Variants in ARHGEF28 observed in about 807,000 individuals in gnomAD.
ARHGEF28 encodes 190 kDa guanine nucleotide exchange factor.
ARHGEF28 carries 152 observed loss-of-function variants against 206.6 expected under a neutral mutation model. The observed-to-expected ratio is 0.74, with a 90% CI of 0.64 to 0.84. The LOEUF is 0.84. Among genes scored for constraint, ARHGEF28 ranks in the 40% least tolerant of loss-of-function variants. The pLI, the probability that ARHGEF28 is intolerant of heterozygous loss-of-function variation, is 0.00. For synonymous variants in ARHGEF28, 763 were observed against 776.4 expected, an observed-to-expected ratio of 0.98 and a Z score of 0.29; for missense variants, 2,028 against 2,073.2, an observed-to-expected ratio of 0.98 and a Z score of 0.42.
intron 35 of ARHGEF28, among the ~76,000 whole-genome samples, chr5:73,932,570 T>G (rs2112031431): frequency 6.6e-6 from 1 of 152,274 alleles, no homozygotes; most frequent in African/African-American, 2.4e-5. Context: ...TTTCAGTTTG[T>G]TTTTGCTAAG....
chr5:73,810,184 G>A (rs887829949), intron 9 of ARHGEF28, among the ~76,000 whole-genome samples: 1 of 152,180 alleles, frequency 6.6e-6, no homozygotes, highest in Non-Finnish European at 1.5e-5. Context: ...TGGCTAGTCA[G>A]TAGAAATCAT....
intron 9 of ARHGEF28, among the ~76,000 whole-genome samples, chr5:73,825,725 G>A (rs1035927515): frequency 1.4e-4 from 21 of 152,144 alleles, no homozygotes; most frequent in African/African-American, 5.1e-4. Context: ...GAATCCAGTT[G>A]TGAAAGAAAG....
chr5:73,885,995 G>C lies in ARHGEF28; in HGVS notation c.3201G>C (p.Thr1067=). The C allele has an allele frequency of 6.2e-7, 1 of 1,613,790 alleles. No individual in the cohort carries two copies. Among genetic ancestry groups the C allele is most frequent in the South Asian group, 1.1e-5 (1 of 91,056 alleles). ...ATAAGATTGAAAACAAAACATACAC[G>C]AAGCTCAAAAATGGACATGTGTTTA... ...ILNKIENKTY[T]KLKNGHVFRK... is the part of the protein sequence containing the mutation. The change falls in exon 25 of 36, where the codon ACG becomes ACC. Residue 1067 remains threonine (T), a synonymous_variant. Transcript: ENST00000513042.
At chr5:73,816,258 A>T (rs1756204546) in intron 9 of ARHGEF28, among the ~76,000 whole-genome samples, 1 of 152,124 alleles carries the variant, frequency 6.6e-6, no homozygotes, top group African/African-American at 2.4e-5. Flanking sequence ...GAGAAATATA[A>T]GGGACTTGGT....
At chr5:73,683,285 G>A (rs745500612) in intron 1 of ARHGEF28, among the ~76,000 whole-genome samples, 9 of 152,092 alleles carry the variant, frequency 5.9e-5, no homozygotes, top group Non-Finnish European at 1.0e-4. Flanking sequence ...GACCATTACC[G>A]TTGTCCATCT....
chr5:73,863,539 C>G (rs990991394), intron 16 of ARHGEF28, among the ~76,000 whole-genome samples: 2 of 152,046 alleles, frequency 1.3e-5, no homozygotes, highest in South Asian at 2.1e-4. Flanking sequence ...TTGCCTGTCT[C>G]ATGAAGCTCC....
chr5:73,804,567 T>C (rs1371911736), intron 9 of ARHGEF28, among the ~76,000 whole-genome samples: 1 of 152,218 alleles, frequency 6.6e-6, no homozygotes, highest in East Asian at 1.9e-4. Flanking sequence ...AGTTATAGGC[T>C]TACATACTTT....
At chr5:73,632,588 T>G (rs1318471394) in intron 1 of ARHGEF28, among the ~76,000 whole-genome samples, 1 of 152,226 alleles carries the variant, frequency 6.6e-6, no homozygotes, top group Non-Finnish European at 1.5e-5. Flanking sequence ...GAACAATTTC[T>G]CTTATATGGT....
intron 3 of ARHGEF28, among the ~76,000 whole-genome samples, chr5:73,751,200 G>A (rs577111122): frequency 1.3e-5 from 2 of 152,266 alleles, no homozygotes; most frequent in African/African-American, 2.4e-5. Flanking sequence ...ACCTGAGGTC[G>A]GGAGTTTGAG....
intron 7 of ARHGEF28, among the ~76,000 whole-genome samples, chr5:73,785,639 G>A (rs1754114589): frequency 6.6e-6 from 1 of 152,146 alleles, no homozygotes; most frequent in Non-Finnish European, 1.5e-5. Context: ...AACAACTACA[G>A]TACCATTTGC....
intron 26 of ARHGEF28, among the ~76,000 whole-genome samples, chr5:73,891,678 G>C (rs6453030): frequency 0.3 from 45,856 of 151,622 alleles, 8,693 homozygotes; most frequent in African/African-American, 0.53. Context: ...GCGCACACCA[G>C]CACATCTGGC....
At chr5:73,900,433 T>G (rs1272812300) in intron 30 of ARHGEF28, 1 of 152,182 alleles carries the variant, frequency 6.6e-6, no homozygotes, top group African/African-American at 2.4e-5. Flanking sequence ...GGTAAAGAAA[T>G]AAAATCCTGC....
chr5:73,725,864 C>T (rs886823324), intron 2 of ARHGEF28, among the ~76,000 whole-genome samples: 4 of 152,184 alleles, frequency 2.6e-5, no homozygotes, highest in Admixed American at 6.5e-5. Flanking sequence ...AAAGATTTGG[C>T]TACTATTTTG....
intron 1 of ARHGEF28, among the ~76,000 whole-genome samples, chr5:73,652,928 A>C (rs545499019): frequency 2.6e-5 from 4 of 152,300 alleles, no homozygotes; most frequent in African/African-American, 9.6e-5. Context: ...CTCAGGGTGC[A>C]AGGGACACAT....
rs138769035 is a variant in ARHGEF28, at chr5:73,826,771, A to T, written c.1025-5567A>T. ...AATTCCCCTTCTTTCTATGGGTGGAATCTATTTACTTTCAATTGTCTCCCC... is the reference window on the plus strand; with the variant it reads ...AATTCCCCTTCTTTCTATGGGTGGATTCTATTTACTTTCAATTGTCTCCCC... On this transcript the variant is annotated intron_variant, in intron 9 of 35. Coordinates refer to ENST00000513042, the MANE Select transcript of ARHGEF28 (RefSeq NM_001177693.2). Among the ~76,000 whole-genome samples, 146 of 152,250 alleles carry T rather than the reference A, an allele frequency of 9.6e-4. 1 individual carries two copies. Among genetic ancestry groups the T allele is most frequent in the African/African-American group, 3.4e-3 (142 of 41,530 alleles).
At chr5:73,931,318 C>G (rs1159072879) in intron 35 of ARHGEF28, among the ~76,000 whole-genome samples, 1 of 152,138 alleles carries the variant, frequency 6.6e-6, no homozygotes, top group Non-Finnish European at 1.5e-5. Flanking sequence ...TCACATGTTT[C>G]AGTGAGGTCT....
intron 34 of ARHGEF28, among the ~76,000 whole-genome samples, chr5:73,910,428 C>T (rs544688169): frequency 2.8e-5 from 4 of 142,724 alleles, no homozygotes; most frequent in East Asian, 2.1e-4. Context: ...GGGCCCAAGT[C>T]CTATGGGATC....
intron 1 of ARHGEF28, among the ~76,000 whole-genome samples, chr5:73,629,038 C>A (rs1168901719): frequency 6.6e-6 from 1 of 152,224 alleles, no homozygotes; most frequent in African/African-American, 2.4e-5. Context: ...CATTTACATT[C>A]ATTCAACTAA....
intron 9 of ARHGEF28, among the ~76,000 whole-genome samples, chr5:73,799,352 C>T (rs1038972232): frequency 6.6e-6 from 1 of 152,160 alleles, no homozygotes; most frequent in East Asian, 1.9e-4. Context: ...CTTGATTAGA[C>T]ACTATCTTGC....
Sources: gnomAD v4.1 joint callset for allele counts (sites outside exome capture counted in the v4.1 genomes callset) on GRCh38, gnomAD v4.1.1 for gene constraint, MANE v1.5 for transcripts, NCBI Gene and HGNC (gene_info 2026-07-23, HGNC 2026-07-21) for gene names.